The following GRM5 variants were observed in gnomAD, a reference collection of about 807,000 sequenced individuals.
GRM5 encodes the protein glutamate metabotropic receptor 5.
Under a neutral mutation model 83.1 loss-of-function variants are expected in GRM5, and 19 were observed. The observed-to-expected ratio is 0.23, with a 90% CI of 0.16 to 0.34. The LOEUF is 0.34. Ranked by LOEUF, GRM5 falls within the 10% of genes least tolerant of loss-of-function variation. GRM5 has a pLI of 1.00. For missense variants in GRM5, 1,160 were observed against 1,588.3 expected (o/e 0.73, Z 4.58); for synonymous variants, 675 against 633.6 (o/e 1.07, Z -0.98).
chr11:88,805,546 C>CA (rs35104485), intron 3 of GRM5, among the ~76,000 whole-genome samples: 66,186 of 151,900 alleles, frequency 0.44, 17,143 homozygotes, highest in African/African-American at 0.71. Flanking sequence ...TGTTGGTTTC[C>CA]AAAAAATAGA....
intron 3 of GRM5, among the ~76,000 whole-genome samples, chr11:88,755,845 T>A (rs983664635): frequency 6.6e-6 from 1 of 152,132 alleles, no homozygotes; most frequent in Non-Finnish European, 1.5e-5. Flanking sequence ...AATGTGAGGA[T>A]TTACACAGAG....
intron 3 of GRM5, among the ~76,000 whole-genome samples, chr11:88,798,971 G>T (rs7483868): frequency 6.6e-6 from 1 of 151,798 alleles, no homozygotes; most frequent in Non-Finnish European, 1.5e-5. Flanking sequence ...AAGGTATAAA[G>T]AAAAAATAAA....
At chr11:88,879,874 T>C (rs1944923099) in intron 2 of GRM5, among the ~76,000 whole-genome samples, 1 of 152,054 alleles carries the variant, frequency 6.6e-6, no homozygotes, top group Non-Finnish European at 1.5e-5. Flanking sequence ...CTTTATTAAA[T>C]ATTACTTAAT....
chr11:88,974,063 A>G (rs183264691), intron 2 of GRM5, among the ~76,000 whole-genome samples: 101 of 152,256 alleles, frequency 6.6e-4, no homozygotes, highest in Middle Eastern at 3.4e-3. Context: ...TTTATTTCCT[A>G]GTTCTAAAGT....
chr11:89,029,487 G>A (rs993062454), intron 2 of GRM5, among the ~76,000 whole-genome samples: 2 of 152,080 alleles, frequency 1.3e-5, no homozygotes, highest in African/African-American at 4.8e-5. Flanking sequence ...TTGATAGCAG[G>A]ACATATACAT....
intron 8 of GRM5, among the ~76,000 whole-genome samples, chr11:88,564,883 A>G (rs538343952): frequency 6.6e-6 from 1 of 151,174 alleles, no homozygotes; most frequent in Non-Finnish European, 1.5e-5. Context: ...CAGATTGTAT[A>G]ATCAATGTCT....
intron 4 of GRM5, among the ~76,000 whole-genome samples, chr11:88,615,438 T>C (rs1342542313): frequency 6.6e-6 from 1 of 152,102 alleles, no homozygotes; most frequent in Non-Finnish European, 1.5e-5. Context: ...GTCATAGAAA[T>C]CCAAGTTTAA....
chr11:89,059,576 C>T (rs1398610394), intron 1 of GRM5, among the ~76,000 whole-genome samples: 3 of 151,880 alleles, frequency 2.0e-5, no homozygotes, highest in Non-Finnish European at 2.9e-5. Flanking sequence ...GGACATTGGA[C>T]AAGTTATTTA....
intron 3 of GRM5, among the ~76,000 whole-genome samples, chr11:88,691,674 A>G (rs1940783717): frequency 1.3e-5 from 2 of 152,078 alleles, no homozygotes; most frequent in South Asian, 4.1e-4. Flanking sequence ...GCATCCACTC[A>G]TGTATTTAAG....
intron 8 of GRM5, among the ~76,000 whole-genome samples, chr11:88,548,688 A>G (rs1390563048): frequency 1.3e-5 from 2 of 152,234 alleles, no homozygotes; most frequent in African/African-American, 4.8e-5. Context: ...CTTAGCATTT[A>G]CCTTCTACAT....
chr11:88,692,206 T>C (rs778428630), intron 3 of GRM5, among the ~76,000 whole-genome samples: 5 of 152,202 alleles, frequency 3.3e-5, no homozygotes, highest in Non-Finnish European at 5.9e-5. Context: ...TATTATAGAC[T>C]TTATCACTAG....
rs1944530576 is a variant in GRM5, at chr11:88,859,708, A to G, written c.662-9553T>C. Among the ~76,000 whole-genome samples the G allele has an allele frequency of 1.3e-5, 2 of 152,254 alleles. 1 individual carries two copies. Among genetic ancestry groups the G allele is most frequent in the South Asian group, 4.1e-4 (2 of 4,828 alleles). On this transcript the variant is annotated intron_variant, in intron 2 of 9. Transcript: ENST00000305447. ...TAAGACACTGGGTAAAAATTGTTCA[A>G]TTTAGTCCTGTGGTTCTTCCAAAGG...
intron 4 of GRM5, among the ~76,000 whole-genome samples, chr11:88,606,542 C>G (rs1938147129): frequency 6.6e-6 from 1 of 152,054 alleles, no homozygotes; most frequent in Non-Finnish European, 1.5e-5. Flanking sequence ...AACAAACAAC[C>G]AAAAAAGATT....
chr11:88,911,850 T>C (rs1166118138), intron 2 of GRM5: 6 of 361,616 alleles, frequency 1.7e-5, no homozygotes, highest in African/African-American at 8.7e-5. Flanking sequence ...TTGGCATCTG[T>C]GCACAGTTTT....
intron 3 of GRM5, among the ~76,000 whole-genome samples, chr11:88,774,907 T>C (rs1313605322): frequency 1.3e-5 from 2 of 152,230 alleles, no homozygotes; most frequent in Non-Finnish European, 2.9e-5. Flanking sequence ...TAAAATTCTC[T>C]TTTGTTGTTG....
chr11:88,803,283 G>C (rs71469216), intron 3 of GRM5, among the ~76,000 whole-genome samples: 22,831 of 150,680 alleles, frequency 0.15, 2,365 homozygotes, highest in Non-Finnish European at 0.24. Context: ...TGACTTCAAA[G>C]TATACTACAA....
At chr11:88,891,229 G>T (rs1204805927) in intron 2 of GRM5, among the ~76,000 whole-genome samples, 1 of 152,084 alleles carries the variant, frequency 6.6e-6, no homozygotes, top group African/African-American at 2.4e-5. Context: ...TAACGCAAAG[G>T]TAAAATTTGG....
At chr11:88,741,775 T>C (rs945105003) in intron 3 of GRM5, among the ~76,000 whole-genome samples, 3 of 152,010 alleles carry the variant, frequency 2.0e-5, no homozygotes, top group African/African-American at 4.8e-5. Context: ...TGAGCGCACA[T>C]GGAAAGCAGT....
intron 7 of GRM5, among the ~76,000 whole-genome samples, chr11:88,576,322 G>A (rs1480977555): frequency 6.6e-5 from 10 of 152,184 alleles, no homozygotes; most frequent in Non-Finnish European, 5.9e-5. Flanking sequence ...ACCCGTCATA[G>A]CACTTGCATT....
Sources: allele counts gnomAD v4.1 joint callset (sites outside exome capture counted in the v4.1 genomes callset), GRCh38; gene constraint gnomAD v4.1.1; transcripts MANE v1.5; gene names NCBI Gene and HGNC (gene_info 2026-07-23, HGNC 2026-07-21).